Variants in NWD1 observed in about 807,000 individuals in gnomAD.
NWD1 encodes the protein NACHT domain- and WD repeat-containing protein 1.
A neutral mutation model predicts 135.1 loss-of-function variants in NWD1; 129 were observed. The ratio of observed to expected loss-of-function variants is 0.96; its 90% confidence interval spans 0.83 to 1.11. The LOEUF (loss-of-function observed/expected upper bound fraction) is 1.11. NWD1 is among the 50% of genes least tolerant of loss of function. NWD1 has a pLI of 0.00. For synonymous variants in NWD1, 773 were observed against 786.0 expected (o/e 0.98, Z 0.28); for missense variants, 1,740 against 1,851.3 (o/e 0.94, Z 1.10).
rs775256892 is a variant in NWD1, at chr19:16,762,138, G to A, written c.2133G>A (p.Lys711=). The part of the protein sequence containing the change: ...LVGKPLNLDR[K]VAPQPLWFSH... Reference sequence around the variant, plus strand: ...GGAAACCACTGAACTTGGACCGAAAGGTGAGGTACCTGGGACCCCCATTCC... The same window carrying A: ...GGAAACCACTGAACTTGGACCGAAAAGTGAGGTACCTGGGACCCCCATTCC... The change falls in exon 8 of 19, where the codon AAG becomes AAA. Residue 711 remains lysine, a splice_region_variant and synonymous_variant. Coordinates refer to ENST00000524140, the MANE Select transcript of NWD1 (RefSeq NM_001007525.5). 1.2e-6 allele frequency: 2 copies of A among 1,611,408 alleles called. No individual in the cohort carries two copies. Among genetic ancestry groups the A allele is most frequent in the Non-Finnish European group, 1.7e-6 (2 of 1,177,932 alleles).
intron 5 of NWD1, among the ~76,000 whole-genome samples, chr19:16,746,717 A>C (rs1463558286): frequency 6.6e-6 from 1 of 152,092 alleles, no homozygotes; most frequent in East Asian, 1.9e-4. Context: ...CGATGAACAC[A>C]TATTTTGCAT....
At chr19:16,802,007 C>T (rs933350477) in intron 17 of NWD1, among the ~76,000 whole-genome samples, 6 of 151,798 alleles carry the variant, frequency 4.0e-5, no homozygotes, top group South Asian at 4.2e-4. Flanking sequence ...AAATAATGGC[C>T]GGGCATGGTG....
chr19:16,812,347 C>A (rs1471412392), intron 18 of NWD1, among the ~76,000 whole-genome samples: 2 of 151,270 alleles, frequency 1.3e-5, no homozygotes, highest in African/African-American at 4.9e-5. Context: ...GGCTGGTTTC[C>A]TGGGTGTCTT....
chr19:16,753,381 G>C (rs1252026362), intron 6 of NWD1, among the ~76,000 whole-genome samples: 29 of 152,192 alleles, frequency 1.9e-4, no homozygotes, highest in Admixed American at 1.8e-3. Flanking sequence ...GGGGTGGCGG[G>C]GGAGGTGGTT....
chr19:16,805,168 C>T (rs1310535657), intron 17 of NWD1, among the ~76,000 whole-genome samples: 1 of 152,036 alleles, frequency 6.6e-6, no homozygotes, highest in Non-Finnish European at 1.5e-5. Context: ...AAGCAATTCT[C>T]CTGCCTCAGC....
intron 12 of NWD1, among the ~76,000 whole-genome samples, chr19:16,785,955 C>G (rs1392324357): frequency 2.6e-5 from 4 of 151,918 alleles, no homozygotes; most frequent in African/African-American, 4.8e-5. Context: ...ACCTCCGCCT[C>G]CCAGGTTCAA....
intron 6 of NWD1, among the ~76,000 whole-genome samples, chr19:16,755,914 C>T (rs1277540770): frequency 3.3e-5 from 5 of 152,056 alleles, no homozygotes; most frequent in Non-Finnish European, 7.4e-5. Context: ...CCCAACGTAC[C>T]TCAAAATTGA....
intron 17 of NWD1, among the ~76,000 whole-genome samples, chr19:16,804,086 G>A (rs1970682133): frequency 6.6e-6 from 1 of 152,176 alleles, no homozygotes; most frequent in Admixed American, 6.6e-5. Context: ...CACAAGTGAT[G>A]TATTGAGGGG....
intron 12 of NWD1, among the ~76,000 whole-genome samples, chr19:16,783,539 C>G (rs189174752): frequency 1.3e-5 from 2 of 151,914 alleles, no homozygotes; most frequent in African/African-American, 4.8e-5. Context: ...GAGGCTGAGG[C>G]AGGAGAATCA....
Position 16,811,738 on chromosome 19 carries a change from G to A in NWD1, c.4288-3290G>A, listed in dbSNP as rs1221266353. 3.9e-5 allele frequency among the ~76,000 whole-genome samples: 6 copies of A among 152,176 alleles called. No homozygotes were observed. In the South Asian group the frequency reaches 1.2e-3, roughly 31 times the overall value. On this transcript the variant is annotated intron_variant, in intron 18 of 18. Transcript: ENST00000524140. ...CCTGGGTTGGGGTAGTATCTGTGCT[G>A]CTCATCTCTCCAGGTTTTCATTGGA...
rs1401285992 is a variant in NWD1 at position 16,800,063 on chromosome 19, G to T, written c.3637G>T (p.Asp1213Tyr). 6.2e-7 allele frequency: 1 copy of T among 1,614,210 alleles called. No homozygotes were observed. The highest frequency in any genetic ancestry group is 1.3e-5 in the African/African-American group (1 of 75,064). Residue 1213 changes from aspartate (D) to tyrosine (Y), a missense_variant, in exon 17 of 19, where the codon GAC becomes TAC. Physicochemically the swap from Asp to Tyr is radical, Grantham distance 160. Transcript: ENST00000524140. ...HRSRVPAPFL[D>Y]RTGLTAVSHN... ...GTCCCGGGTGCCTGCACCATTTCTG[G>T]ACCGCACCGGCCTCACCGCAGTGTC...
Position 16,815,401 on chromosome 19 carries a change from G to A in NWD1, c.*362G>A, listed in dbSNP as rs1438754882. On this transcript the variant is annotated 3_prime_UTR_variant, in exon 19 of 19. Transcript: ENST00000524140. ...GTTAGCCCCATTTAATCTAGTTAAA[G>A]CAAAAAGAATACGTTTGCTGGTGTA... 4.7e-6 allele frequency: 3 copies of A among 633,922 alleles called. No individual in the cohort carries two copies. Among genetic ancestry groups the A allele is most frequent in the East Asian group, 5.4e-5 (2 of 36,878 alleles). 39.3% of individuals were successfully genotyped at this position (633,922 alleles called of 1,614,324 possible).
chr19:16,763,799 A>G, intron 8 of NWD1, 29 bp from the exon 9 acceptor site: 6 of 1,400,238 alleles, frequency 4.3e-6, no homozygotes, highest in Non-Finnish European at 6.1e-6. Flanking sequence ...GTTTGTGTCC[A>G]AGCTGCAGTC....
chr19:16,797,842 G>T lies in NWD1; in HGVS notation c.3415G>T (p.Glu1139Ter), dbSNP rs147828282. 94 of 1,614,002 alleles carry T rather than the reference G, an allele frequency of 5.8e-5. No individual in the cohort carries two copies. The highest frequency in any genetic ancestry group is 8.0e-5 in the Non-Finnish European group (94 of 1,179,984). ...GGTGGAGACGGCTGTTTTTGGTACT[G>T]AGAACAACCTGATCATCACGGGGTC... The part of the protein sequence containing the change: ...DMVETAVFGT[E>*]NNLIITGSLD... The change falls in exon 16 of 19, where the codon GAG becomes TAG. Residue 1139 changes from glutamate (E) to a stop codon, truncating the protein, a stop_gained. Transcript: ENST00000524140. LOFTEE classifies it high-confidence loss of function.
chr19:16,768,740 C>G (rs1082126), intron 10 of NWD1, among the ~76,000 whole-genome samples: 71,700 of 152,018 alleles, frequency 0.47, 19,293 homozygotes, highest in African/African-American at 0.74. Context: ...AAATTGTGAG[C>G]TGAATTCACA....
intron 10 of NWD1, among the ~76,000 whole-genome samples, chr19:16,767,100 CAT>C (rs1969248157): frequency 6.7e-6 from 1 of 149,944 alleles, no homozygotes; most frequent in African/African-American, 2.4e-5. Context: ...TTAATTGACT[CAT>C]AGTTCTGCAT....
chr19:16,816,559 C>T lies in NWD1; in HGVS notation c.*1520C>T, dbSNP rs1451993154. 8.5e-5 allele frequency: 13 copies of T among 152,194 alleles called. No homozygotes were observed. 9.4% of individuals were successfully genotyped at this position (152,194 alleles called of 1,614,324 possible). On this transcript the variant is annotated 3_prime_UTR_variant, in exon 19 of 19. Transcript: ENST00000524140. Reference sequence around the variant, plus strand: ...TCTCCCTGCTTTGCTTTTGAACTGTCTGCCTTGTGCAAGTTCAACAGTCAA... The same window carrying T: ...TCTCCCTGCTTTGCTTTTGAACTGTTTGCCTTGTGCAAGTTCAACAGTCAA...
rs550349173 is a variant in NWD1 at position 16,804,519 on chromosome 19, G to A, written c.3737-3067G>A. Among the ~76,000 whole-genome samples the A allele has an allele frequency of 2.6e-4, 40 of 151,580 alleles. No individual in the cohort carries two copies. The South Asian group carries it at 3.8e-3, about 14-fold the overall frequency. On this transcript the variant is annotated intron_variant, in intron 17 of 18. Transcript: ENST00000524140. ...CTGAGGCAGGAGGATTGCTTGAGCC[G>A]TGGAGTTCAAGGCTGCAGTGAGCTA...
Position 16,789,104 on chromosome 19 carries a change from G to A in NWD1, c.2854G>A (p.Gly952Ser). 1.2e-6 allele frequency: 2 copies of A among 1,613,928 alleles called. No individual in the cohort carries two copies. Among genetic ancestry groups the A allele is most frequent in the African/African-American group, 1.3e-5 (1 of 75,036 alleles). ...GGAGAAATTTACCATTTGGGATGGA[G>A]GCTCAAAAAATCCCGCTGAACCTCA... is the stretch of plus-strand genomic sequence containing the variant. ...GQEKFTIWDG[G>S]SKNPAEPQIW... Residue 952 changes from glycine to serine, a missense_variant, in exon 13 of 19, where the codon GGC becomes AGC. Coordinates refer to ENST00000524140, the MANE Select transcript of NWD1 (RefSeq NM_001007525.5).
Sources: allele counts gnomAD v4.1 joint callset (sites outside exome capture counted in the v4.1 genomes callset), GRCh38; gene constraint gnomAD v4.1.1; transcripts MANE v1.5; gene names NCBI Gene and HGNC (gene_info 2026-07-23, HGNC 2026-07-21).